The following MAN2B2 variants were observed in gnomAD, a reference collection of about 807,000 sequenced individuals.
MAN2B2 encodes the protein epididymis-specific alpha-mannosidase.
In MAN2B2, 106 loss-of-function variants were observed where a neutral mutation model predicts 117.1. That is an observed-to-expected ratio of 0.90 (90% confidence interval 0.77 to 1.06). The LOEUF is 1.06. Ranked by LOEUF, MAN2B2 falls within the 50% of genes least tolerant of loss-of-function variation. The pLI, the probability that MAN2B2 is intolerant of heterozygous loss-of-function variation, is 0.00. For missense variants in MAN2B2, 1,326 were observed against 1,381.4 expected (o/e 0.96, Z 0.64); for synonymous variants, 544 against 595.1 (o/e 0.91, Z 1.25).
At chr4:6,599,918 C>A (rs1034866722) in intron 9 of MAN2B2, among the ~76,000 whole-genome samples, 2 of 152,208 alleles carry the variant, frequency 1.3e-5, no homozygotes, top group Non-Finnish European at 2.9e-5. Flanking sequence ...GGCTTCACTG[C>A]CAGGTGGGGA....
chr4:6,597,625 C>G (rs1376558249), intron 8 of MAN2B2, among the ~76,000 whole-genome samples: 1 of 152,224 alleles, frequency 6.6e-6, no homozygotes, highest in Non-Finnish European at 1.5e-5. Context: ...TGATGTCAGG[C>G]ACATGATTCC....
Position 6,621,472 on chromosome 4 carries a change from C to T in MAN2B2, c.*187C>T. On this transcript the variant is annotated 3_prime_UTR_variant, in exon 19 of 19. Transcript: ENST00000285599. ...ATTTTTTTAAACAAAAATTACATTA[C>T]AAGATCCAGGTTCTTCCCCCCCACA... 1 of 566,038 alleles carries T rather than the reference C, an allele frequency of 1.8e-6. No homozygotes were observed. The highest frequency in any genetic ancestry group is 3.1e-6 in the Non-Finnish European group (1 of 318,058). The allele number at this position is 566,038 out of a possible 1,614,324, so 35.1% of individuals were successfully genotyped here. A position where few individuals can be genotyped will look rare whatever the true frequency, so the allele number is the denominator to read the frequency against.
intron 5 of MAN2B2, 108 bp from the exon 6 acceptor site, chr4:6,593,065 G>A: frequency 1.9e-6 from 2 of 1,041,172 alleles, no homozygotes; most frequent in Non-Finnish European, 2.8e-6. Flanking sequence ...GTCTCAGGGT[G>A]AAATGATGTG....
intron 5 of MAN2B2, among the ~76,000 whole-genome samples, chr4:6,589,616 G>T (rs886318680): frequency 4.6e-5 from 7 of 152,154 alleles, no homozygotes; most frequent in African/African-American, 1.7e-4. Context: ...AGAGTGGGTG[G>T]GGTTATCAAC....
rs375154814 is a variant in MAN2B2, at chr4:6,598,387, C to G, written c.1405+33C>G. On this transcript the variant is annotated intron_variant, in intron 9 of 18. Transcript: ENST00000285599. ...GGGCCCTGCAGGGAGGCTGTGGCCC[C>G]TTTATGAAGGGAGAGCCTGAGGAGG... 44 of 1,594,974 alleles carry G rather than the reference C, an allele frequency of 2.8e-5. No individual in the cohort carries two copies. In the African/African-American group the frequency reaches 5.2e-4, roughly 19 times the overall value.
At chr4:6,601,745 G>A (rs1004734837) in intron 10 of MAN2B2, among the ~76,000 whole-genome samples, 2 of 152,204 alleles carry the variant, frequency 1.3e-5, no homozygotes, top group African/African-American at 4.8e-5. Flanking sequence ...AAGTTCCAAT[G>A]GTTTTAGGAG....
chr4:6,585,296 A>C (rs927502832), intron 3 of MAN2B2, among the ~76,000 whole-genome samples: 13 of 152,170 alleles, frequency 8.5e-5, no homozygotes, highest in African/African-American at 2.9e-4. Context: ...CAGGACTGCA[A>C]GTTCATCAGT....
Position 6,610,881 on chromosome 4 carries a change from A to C in MAN2B2, c.2261A>C (p.Asn754Thr). The change falls in exon 14 of 19, where the codon AAT becomes ACT. Residue 754 changes from asparagine (N) to threonine (T), a missense_variant and splice_region_variant. Transcript: ENST00000285599. ...ACCTGGCGATGTTTCTGTCTGCAGA[A>C]TTACTACCCCATGGTTCAGTCGGCC... ...VSYVNNSIAR[N>T]YYPMVQSAFM... 6.2e-7 allele frequency: 1 copy of C among 1,614,168 alleles called. No individual in the cohort carries two copies. Among genetic ancestry groups the C allele is most frequent in the Non-Finnish European group, 8.5e-7 (1 of 1,179,990 alleles).
chr4:6,586,993 CAGA>C lies in MAN2B2; in HGVS notation c.392_394del (p.Glu131del). The C allele has an allele frequency of 6.2e-7, 1 of 1,612,016 alleles. No individual in the cohort carries two copies. Among genetic ancestry groups the C allele is most frequent in the African/African-American group, 1.3e-5 (1 of 75,020 alleles). On this transcript the variant is annotated splice_acceptor_variant and coding_sequence_variant, in exon 4 of 19. Coordinates refer to ENST00000285599, the MANE Select transcript of MAN2B2 (RefSeq NM_015274.3). LOFTEE classifies it high-confidence loss of function. Reference sequence around the variant, plus strand: ...CACCAGCAGGGTGTTGCTGTCTTTGCAGAAGGACACGGGTTTCTCTATGAAACA... The same window carrying C: ...CACCAGCAGGGTGTTGCTGTCTTTGCAGGACACGGGTTTCTCTATGAAACA...
intron 2 of MAN2B2, among the ~76,000 whole-genome samples, chr4:6,577,128 T>C (rs1419701237): frequency 6.6e-6 from 1 of 152,108 alleles, no homozygotes; most frequent in African/African-American, 2.4e-5. Flanking sequence ...GAGGGTGCGA[T>C]AGTCCCTGTG....
chr4:6,605,725 CACCCACCCACTTATCT>C (rs1577289631), intron 11 of MAN2B2, among the ~76,000 whole-genome samples: 1 of 152,012 alleles, frequency 6.6e-6, no homozygotes, highest in Non-Finnish European at 1.5e-5. Flanking sequence ...CCCATCTATT[CACCCACCCACTTATCT>C]ACCCACCCAG....
intron 3 of MAN2B2, among the ~76,000 whole-genome samples, chr4:6,583,590 G>A (rs1009711531): frequency 6.6e-6 from 1 of 152,188 alleles, no homozygotes; most frequent in Admixed American, 6.5e-5. Context: ...TAATCCGTAC[G>A]GGTCTGCAGC....
intron 3 of MAN2B2, among the ~76,000 whole-genome samples, chr4:6,578,992 TACCACTACCATC>T (rs1475501960): frequency 2.1e-5 from 2 of 96,832 alleles, no homozygotes; most frequent in African/African-American, 7.8e-5. Context: ...TGACCATCAC[TACCACTACCATC>T]ACCACCACCA....
At chr4:6,610,552 C>T (rs1727730599) in intron 13 of MAN2B2, among the ~76,000 whole-genome samples, 1 of 152,232 alleles carries the variant, frequency 6.6e-6, no homozygotes, top group African/African-American at 2.4e-5. Flanking sequence ...CTGGTGCTAC[C>T]ACAGACAAGA....
At chr4:6,582,936 A>G (rs372804921) in intron 3 of MAN2B2, among the ~76,000 whole-genome samples, 140 of 152,264 alleles carry the variant, frequency 9.2e-4, no homozygotes, top group African/African-American at 3.2e-3. Context: ...GCTTGAACAG[A>G]GACCAAGTGA....
At position 6,576,587 on chromosome 4, in the gene MAN2B2, C is replaced by T. The variant is rs1303919781; in HGVS notation, c.148C>T (p.Arg50Trp). The T allele has an allele frequency of 5.0e-6, 8 of 1,606,322 alleles. No homozygotes were observed. The Admixed American group carries it at 5.0e-5, about 10-fold the overall frequency. The change falls in exon 2 of 19, where the codon CGG (arginine) becomes TGG (tryptophan). Residue 50 changes from arginine to tryptophan, a missense_variant. Arg to Trp is a moderately radical substitution (Grantham distance 101). Transcript: ENST00000285599. ...GWVYTVQESM[R>W]AYAANVYTSV... The stretch of plus-strand genomic sequence containing the variant: ...GCTGTCCCCTCCCCAGGAAAGCATG[C>T]GGGCGTACGCCGCCAATGTCTACAC...
rs111914556 is a variant in MAN2B2, at chr4:6,598,479, C to T, written c.1405+125C>T. ...CCACATCACCCATATCGCCCTTCCC[C>T]ATGGTGAGAGCTCGGACAGGTGGCT... On this transcript the variant is annotated intron_variant, in intron 9 of 18. Transcript: ENST00000285599. The T allele has an allele frequency of 1.8e-3, 1,867 of 1,062,626 alleles. 30 individuals are homozygous for T. The African/African-American group carries it at 0.025, about 14-fold the overall frequency. The allele number at this position is 1,062,626 out of a possible 1,614,324, so 65.8% of individuals were successfully genotyped here.
intron 5 of MAN2B2, among the ~76,000 whole-genome samples, chr4:6,591,496 G>C (rs1166262880): frequency 6.6e-6 from 1 of 152,266 alleles, no homozygotes; most frequent in East Asian, 1.9e-4. Flanking sequence ...CAGAGGACGT[G>C]AGTGGCTCAT....
chr4:6,587,361 C>G (rs1444749843), intron 4 of MAN2B2, among the ~76,000 whole-genome samples, 193 bp downstream of exon 4: 1 of 152,210 alleles, frequency 6.6e-6, no homozygotes, highest in African/African-American at 2.4e-5. Context: ...CTCCCTGTAC[C>G]CCAGCTTCTC....
Sources: allele counts gnomAD v4.1 joint callset (sites outside exome capture counted in the v4.1 genomes callset), GRCh38; gene constraint gnomAD v4.1.1; transcripts MANE v1.5; gene names NCBI Gene and HGNC (gene_info 2026-07-23, HGNC 2026-07-21).